STPG2: variants seen among roughly 807,000 people sequenced by gnomAD.
STPG2 encodes the protein sperm tail PG-rich repeat containing 2.
STPG2 carries 56 observed loss-of-function variants against 54.2 expected under a neutral mutation model. That is an observed-to-expected ratio of 1.03 (90% CI 0.83 to 1.29). STPG2 has a LOEUF of 1.29. Ranked by LOEUF, STPG2 falls within the 50% of genes most tolerant of loss-of-function variation. The probability of loss-of-function intolerance (pLI) is 0.00; values close to 1 mark genes in which losing one functional copy is unlikely to be tolerated. For synonymous variants in STPG2, 200 were observed against 181.8 expected (o/e 1.10, Z -0.81); for missense variants, 596 against 544.9 (o/e 1.09, Z -0.93).
At chr4:97,822,795 G>A (rs1047514080) in intron 9 of STPG2, among the ~76,000 whole-genome samples, 3 of 152,186 alleles carry the variant, frequency 2.0e-5, no homozygotes, top group African/African-American at 4.8e-5. Flanking sequence ...ATGGCACCAA[G>A]CCATGACGGC....
At chr4:97,452,781 T>A (rs754554784) in intron 4 of STPG2, among the ~76,000 whole-genome samples, 5 of 152,112 alleles carry the variant, frequency 3.3e-5, no homozygotes, top group Non-Finnish European at 7.4e-5. Context: ...AACAATGGGA[T>A]GACCTGCCTG....
intron 10 of STPG2, among the ~76,000 whole-genome samples, chr4:97,689,031 CTG>C (rs1723285165): frequency 6.6e-6 from 1 of 152,092 alleles, no homozygotes; most frequent in Admixed American, 6.6e-5. Flanking sequence ...TACTTCAGTA[CTG>C]AGTGCTATAC....
At chr4:97,872,070 C>G (rs1191050957) in intron 8 of STPG2, among the ~76,000 whole-genome samples, 1 of 150,882 alleles carries the variant, frequency 6.6e-6, no homozygotes, top group African/African-American at 2.4e-5. Flanking sequence ...TTAGAAAGAC[C>G]TTTAACAAAG....
chr4:97,928,619 T>A (rs1420734917), intron 8 of STPG2, among the ~76,000 whole-genome samples: 1 of 152,090 alleles, frequency 6.6e-6, no homozygotes, highest in African/African-American at 2.4e-5. Context: ...TTTAAGGGAT[T>A]TTTGTTGTGG....
intron 8 of STPG2, among the ~76,000 whole-genome samples, chr4:97,847,318 T>C (rs1390489423): frequency 6.6e-6 from 1 of 152,192 alleles, no homozygotes; most frequent in African/African-American, 2.4e-5. Context: ...TTCATCATTG[T>C]AAACATATGC....
chr4:97,826,567 C>T (rs909197546), intron 9 of STPG2, among the ~76,000 whole-genome samples: 3 of 152,134 alleles, frequency 2.0e-5, no homozygotes, highest in South Asian at 2.1e-4. Context: ...AAGAACCTTA[C>T]CTTATGGTCA....
chr4:97,718,453 T>A (rs1161233697), intron 9 of STPG2, among the ~76,000 whole-genome samples: 1 of 151,984 alleles, frequency 6.6e-6, no homozygotes, highest in African/African-American at 2.4e-5. Context: ...GAGTTTAGAG[T>A]TTCCAGAAAG....
intron 7 of STPG2, among the ~76,000 whole-genome samples, chr4:97,957,036 G>A (rs113866971): frequency 8.8e-5 from 13 of 148,378 alleles, no homozygotes; most frequent in East Asian, 5.9e-4. Flanking sequence ...TCAAAAAGGC[G>A]TCAGAGAAAG....
At chr4:97,511,382 T>C (rs948401312) in intron 4 of STPG2, among the ~76,000 whole-genome samples, 1 of 151,998 alleles carries the variant, frequency 6.6e-6, no homozygotes, top group Non-Finnish European at 1.5e-5. Context: ...TTCATAAGGA[T>C]ACAATAATAA....
chr4:98,086,679 A>AAAAAC, intron 5 of STPG2, among the ~76,000 whole-genome samples: 1 of 151,092 alleles, frequency 6.6e-6, no homozygotes, highest in East Asian at 1.9e-4. Flanking sequence ...AAAAAAAAAA[A>AAAAAC]AAAAAAAAGG....
intron 9 of STPG2, among the ~76,000 whole-genome samples, chr4:97,812,634 G>A (rs966612131): frequency 1.3e-5 from 2 of 152,070 alleles, no homozygotes; most frequent in African/African-American, 4.8e-5. Context: ...TATACGTCTA[G>A]TCTATATTAG....
At chr4:97,477,566 T>C (rs1730105893) in intron 4 of STPG2, among the ~76,000 whole-genome samples, 1 of 146,772 alleles carries the variant, frequency 6.8e-6, no homozygotes, top group Admixed American at 6.9e-5. Flanking sequence ...AAGCTCCGCC[T>C]CCCAGGTTCA....
At chr4:97,613,827 C>T (rs1179240509) in intron 10 of STPG2, among the ~76,000 whole-genome samples, 2 of 151,766 alleles carry the variant, frequency 1.3e-5, no homozygotes, top group African/African-American at 4.8e-5. Flanking sequence ...TTCTTATTTT[C>T]TGGCACTATG....
At chr4:97,865,929 T>C (rs1208410520) in intron 8 of STPG2, among the ~76,000 whole-genome samples, 3 of 151,924 alleles carry the variant, frequency 2.0e-5, no homozygotes, top group Non-Finnish European at 2.9e-5. Flanking sequence ...AAAGTGTGAT[T>C]CTGTCATTTG....
intron 8 of STPG2, among the ~76,000 whole-genome samples, chr4:97,931,919 G>C (rs1268359230): frequency 6.6e-6 from 1 of 151,936 alleles, no homozygotes; most frequent in Non-Finnish European, 1.5e-5. Context: ...TTCAATTTCA[G>C]AACTCATTAT....
At chr4:97,954,464 C>T (rs985625751) in intron 7 of STPG2, among the ~76,000 whole-genome samples, 3 of 152,090 alleles carry the variant, frequency 2.0e-5, no homozygotes, top group Non-Finnish European at 4.4e-5. Flanking sequence ...AAGCACATGG[C>T]CTATTTCTTG....
At chr4:97,976,302 T>C (rs781060590) in intron 6 of STPG2, among the ~76,000 whole-genome samples, 7 of 152,146 alleles carry the variant, frequency 4.6e-5, no homozygotes, top group Non-Finnish European at 8.8e-5. Flanking sequence ...CCACTTAAGA[T>C]ATATAAATAA....
intron 6 of STPG2, among the ~76,000 whole-genome samples, chr4:97,978,904 G>A (rs187299241): frequency 1.3e-5 from 2 of 152,178 alleles, no homozygotes; most frequent in African/African-American, 4.8e-5. Flanking sequence ...TCAAAAAGGG[G>A]CCTTAAGAAT....
chr4:97,444,642 G>A (rs4459996), intron 4 of STPG2, among the ~76,000 whole-genome samples: 1 of 152,102 alleles, frequency 6.6e-6, no homozygotes, highest in South Asian at 2.1e-4. Flanking sequence ...GAGTTCATTA[G>A]ACAGAAGACT....
Sources: gnomAD v4.1 joint callset for allele counts (sites outside exome capture counted in the v4.1 genomes callset) on GRCh38, gnomAD v4.1.1 for gene constraint, MANE v1.5 for transcripts, NCBI Gene and HGNC (gene_info 2026-07-23, HGNC 2026-07-21) for gene names.